The following KCTD19 variants were observed in gnomAD, a reference collection of about 807,000 sequenced individuals.
KCTD19 encodes potassium channel tetramerization domain containing 19, also known as BTB/POZ domain-containing protein KCTD19.
A neutral mutation model predicts 103.5 loss-of-function variants in KCTD19; 67 were observed. The ratio of observed to expected loss-of-function variants is 0.65; its 90% CI spans 0.53 to 0.79. KCTD19 has a LOEUF of 0.79. Ranked by LOEUF, KCTD19 falls within the 30% of genes least tolerant of loss-of-function variation. The pLI, the probability that KCTD19 is intolerant of heterozygous loss-of-function variation, is 0.00. For missense variants in KCTD19, 980 were observed against 1,136.1 expected (o/e 0.86, Z 1.98); for synonymous variants, 439 against 452.2 (o/e 0.97, Z 0.37).
chr16:67,294,392 C>T (rs2036739804), intron 11 of KCTD19, among the ~76,000 whole-genome samples, 188 bp downstream of exon 11: 1 of 152,242 alleles, frequency 6.6e-6, no homozygotes, highest in South Asian at 2.1e-4. Flanking sequence ...CATCGCAGGC[C>T]ACAAGTGGCC....
intron 11 of KCTD19, 51 bp downstream of exon 11, chr16:67,294,529 G>T (rs539466701): frequency 7.8e-7 from 1 of 1,289,992 alleles, no homozygotes; most frequent in Non-Finnish European, 1.1e-6. Flanking sequence ...CCCTGAGCCC[G>T]GTGGTAGTGG....
At position 67,290,868 on chromosome 16, in the gene KCTD19, T is replaced by C. The variant is rs1370446001; in HGVS notation, c.2667+17A>G. On this transcript the variant is annotated intron_variant, in intron 15 of 15. Coordinates refer to ENST00000304372, the MANE Select transcript of KCTD19 (RefSeq NM_001100915.3). ...CACAGGGTCGGTGGATTCCCAGGGA[T>C]TGCAAGTGGCCCTCACCTCCACCCA... 6.2e-6 allele frequency: 10 copies of C among 1,601,406 alleles called. No homozygotes were observed. The highest frequency in any genetic ancestry group is 4.3e-6 in the Non-Finnish European group (5 of 1,173,576).
At chr16:67,309,132 A>C (rs1411660813) in intron 2 of KCTD19, among the ~76,000 whole-genome samples, 1 of 151,242 alleles carries the variant, frequency 6.6e-6, no homozygotes, top group Non-Finnish European at 1.5e-5. Context: ...TCAGCTCAAA[A>C]AAAAAAAAAA....
intron 2 of KCTD19, among the ~76,000 whole-genome samples, chr16:67,310,734 T>C (rs1380419849): frequency 6.6e-6 from 1 of 152,222 alleles, no homozygotes; most frequent in East Asian, 1.9e-4. Context: ...ACTTTGGGAC[T>C]TAACGGAGGT....
rs2036871652 is a variant in KCTD19 at position 67,304,560 on chromosome 16, G to A, written c.312C>T (p.Asn104=). 1 of 1,613,732 alleles carries A rather than the reference G, an allele frequency of 6.2e-7. No individual in the cohort carries two copies. The highest frequency in any genetic ancestry group is 8.5e-7 in the Non-Finnish European group (1 of 1,179,684). Residue 104 remains asparagine, a synonymous_variant, in exon 3 of 16, where the codon AAC becomes AAT. Coordinates refer to ENST00000304372, the MANE Select transcript of KCTD19 (RefSeq NM_001100915.3). ...GTAGATGGTGTTTCCCTTCCTTCAG[G>A]TTATCTAGAGTCTGTTAGATAATGA... The part of the protein sequence containing the change: ...QLMPLLQTLD[N]LKEGKHHLRV...
intron 2 of KCTD19, among the ~76,000 whole-genome samples, chr16:67,314,798 A>ATT (rs1212642210): frequency 2.6e-4 from 16 of 61,592 alleles, no homozygotes; most frequent in African/African-American, 8.7e-4. Context: ...TTCACTTAGC[A>ATT]TTATATATAT....
Position 67,297,570 on chromosome 16 carries a change from G to C in KCTD19, c.1080C>G (p.Tyr360Ter). The C allele has an allele frequency of 6.2e-7, 1 of 1,614,062 alleles. No homozygotes were observed. Among genetic ancestry groups the C allele is most frequent in the South Asian group, 1.1e-5 (1 of 91,082 alleles). Residue 360 changes from tyrosine (Y) to a stop codon, truncating the protein, a stop_gained, in exon 7 of 16, where the codon TAC becomes TAG. Coordinates refer to ENST00000304372, the MANE Select transcript of KCTD19 (RefSeq NM_001100915.3). LOFTEE classifies it high-confidence loss of function. ...TCTTCAAAGCAACTTTGATTGGCTC[G>C]TAGGTGATGTCCCTTTTGTCTAGGA... ...CAFLDKRDIT[Y>*]EPIKVALKTH...
chr16:67,325,005 A>G (rs1275962420), intron 1 of KCTD19, among the ~76,000 whole-genome samples: 1 of 152,152 alleles, frequency 6.6e-6, no homozygotes, highest in East Asian at 1.9e-4. Context: ...AGGGTCTCAC[A>G]TAGACCAGAA....
Position 67,295,018 on chromosome 16 carries a change from T to C in KCTD19, c.1430A>G (p.His477Arg), listed in dbSNP as rs1443004517. The change falls in exon 10 of 16, where the codon CAC becomes CGC. Residue 477 changes from histidine (H) to arginine (R), a missense_variant. By Grantham distance (29) the His-to-Arg change is conservative (BLOSUM62 0). Transcript: ENST00000304372. ...PLFCQEVEEY[H>R]IPSLSEALAQ... ...AAGGGCTTCTGAGAGGGATGGAATG[T>C]GGTATTCCTCCACCTCCTGGCAGAA... 3 of 1,613,960 alleles carry C rather than the reference T, an allele frequency of 1.9e-6. No homozygotes were observed. The African/African-American group carries it at 4.0e-5, about 22-fold the overall frequency.
chr16:67,303,162 G>T lies in KCTD19; in HGVS notation c.627C>A (p.Ser209Arg). The T allele has an allele frequency of 6.2e-7, 1 of 1,608,424 alleles. No homozygotes were observed. Among genetic ancestry groups the T allele is most frequent in the South Asian group, 1.1e-5 (1 of 90,828 alleles). ...ETVALIECEC[S>R]EFRFIVNFLR... ...AGCAATCACCAATGAAGCGGAACTC[G>T]CTGCACTCGCACTCGATGAGGGCCA... The change falls in exon 4 of 16, where the codon AGC (serine) becomes AGA (arginine). Residue 209 changes from serine (S) to arginine (R), a missense_variant. Ser to Arg is a moderately radical substitution (Grantham distance 110, BLOSUM62 -1). Transcript: ENST00000304372. The surrounding 1 kb of genome is among the most constrained non-coding windows in gnomAD (Gnocchi z 4.3).
In KCTD19 at chr16:67,303,780, C is replaced by T. The variant is rs1256816029; in HGVS notation, c.452-443G>A. On this transcript the variant is annotated intron_variant, in intron 3 of 15. Coordinates refer to ENST00000304372, the MANE Select transcript of KCTD19 (RefSeq NM_001100915.3). This position sits in a 1 kb window ranked among gnomAD's most constrained non-coding sequence, Gnocchi z 4.3. The stretch of plus-strand genomic sequence containing the variant: ...CAGGCTGGTCTCGAACTCCTGACCT[C>T]ACGTGATCCATCTGCCTCAGCCTCC... Among the ~76,000 whole-genome samples the T allele has an allele frequency of 1.3e-5, 2 of 152,198 alleles. No individual in the cohort carries two copies. The highest frequency in any genetic ancestry group is 3.8e-4 in the East Asian group (2 of 5,196).
At chr16:67,298,675 A>T (rs550682224) in intron 6 of KCTD19, among the ~76,000 whole-genome samples, 1 of 152,258 alleles carries the variant, frequency 6.6e-6, no homozygotes, top group South Asian at 2.1e-4. Context: ...AAACAACAAT[A>T]TTGGGAAAAG....
At chr16:67,324,837 A>G (rs2037112355) in intron 1 of KCTD19, among the ~76,000 whole-genome samples, 1 of 152,254 alleles carries the variant, frequency 6.6e-6, no homozygotes, top group South Asian at 2.1e-4. Context: ...TAATAAGAGA[A>G]ATATGACAAA....
intron 2 of KCTD19, among the ~76,000 whole-genome samples, chr16:67,314,816 TATATATATATATATAGAG>T (rs1358779273): frequency 1.3e-4 from 13 of 103,752 alleles, no homozygotes; most frequent in South Asian, 1.0e-3. Context: ...TATATATATA[TATATATATATATATAGAG>T]AGAGAGAGAG....
intron 2 of KCTD19, among the ~76,000 whole-genome samples, chr16:67,310,961 A>G (rs975070261): frequency 1.3e-5 from 2 of 152,158 alleles, no homozygotes; most frequent in Non-Finnish European, 2.9e-5. Flanking sequence ...GCCAAATAAG[A>G]CGCAGCTTTC....
intron 5 of KCTD19, chr16:67,299,814 G>A (rs1238298045): frequency 5.6e-6 from 3 of 533,806 alleles, no homozygotes; most frequent in African/African-American, 1.9e-5. Context: ...TTCATTTGCT[G>A]TATCACTAGC....
At chr16:67,316,004 T>C (rs2037009896) in intron 2 of KCTD19, among the ~76,000 whole-genome samples, 1 of 152,218 alleles carries the variant, frequency 6.6e-6, no homozygotes, top group Non-Finnish European at 1.5e-5. Flanking sequence ...TGCTCAAATG[T>C]TGCCTTGTCA....
chr16:67,306,389 C>G (rs1597396646), intron 2 of KCTD19, among the ~76,000 whole-genome samples: 1 of 152,274 alleles, frequency 6.6e-6, no homozygotes, highest in East Asian at 1.9e-4. Context: ...CCTTAGCCTC[C>G]CGAGTACCTG....
At chr16:67,325,921 T>C (rs936861065) in intron 1 of KCTD19, 1 of 150,280 alleles carries the variant, frequency 6.7e-6, no homozygotes, top group African/African-American at 2.4e-5. Flanking sequence ...TTACCTTTTT[T>C]TTTTTTTTTT....
Sources: gnomAD v4.1 joint callset for allele counts (sites outside exome capture counted in the v4.1 genomes callset) on GRCh38, gnomAD v4.1.1 for gene constraint, Gnocchi (gnomAD v3.1) non-coding constraint, MANE v1.5 for transcripts, NCBI Gene and HGNC (gene_info 2026-07-23, HGNC 2026-07-21) for gene names.